The following LSM12 variants were observed in gnomAD, a reference collection of about 807,000 sequenced individuals.
The protein encoded by LSM12 is protein LSM12.
For missense variants in LSM12, 108 were observed against 238.9 expected (o/e 0.45, Z 3.61); for synonymous variants, 74 against 87.3 (o/e 0.85, Z 0.85).
intron 2 of LSM12, among the ~76,000 whole-genome samples, chr17:44,043,548 CTTT>C (rs34478151): frequency 8.9e-5 from 12 of 134,188 alleles, no homozygotes; most frequent in South Asian, 2.3e-4. Context: ...GAGGAGTTTC[CTTT>C]TTTTTTTTTT....
At chr17:44,048,167 T>C (rs1032890037) in intron 2 of LSM12, among the ~76,000 whole-genome samples, 3 of 152,036 alleles carry the variant, frequency 2.0e-5, no homozygotes, top group African/African-American at 4.8e-5. Context: ...TTTCATTTTC[T>C]TTATGCAGCA....
At chr17:44,064,487 C>T (rs1440783867) in intron 1 of LSM12, among the ~76,000 whole-genome samples, 2 of 152,122 alleles carry the variant, frequency 1.3e-5, no homozygotes, top group Admixed American at 1.3e-4. Flanking sequence ...AATCTCAACA[C>T]TTTGGGAGGC....
intron 2 of LSM12, among the ~76,000 whole-genome samples, chr17:44,047,908 G>A (rs1376719309): frequency 6.6e-6 from 1 of 151,736 alleles, no homozygotes; most frequent in Admixed American, 6.6e-5. Context: ...TCTTGGCTGG[G>A]CGTGGTCACT....
intron 2 of LSM12, among the ~76,000 whole-genome samples, chr17:44,054,211 G>A (rs2049681581): frequency 6.6e-6 from 1 of 152,162 alleles, no homozygotes. Context: ...CCTGAACTGA[G>A]TCATGAGTTC....
upstream of LSM12, chr17:44,066,882 C>T (rs947250942): frequency 7.9e-6 from 2 of 254,000 alleles, no homozygotes; most frequent in Non-Finnish European, 1.5e-5. Context: ...GAGGAGGGAG[C>T]TGCAGTCTCC....
chr17:44,066,516 C>G lies in LSM12; in HGVS notation c.72G>C (p.Arg24=). 1 of 1,529,364 alleles carries G rather than the reference C, an allele frequency of 6.5e-7. No individual in the cohort carries two copies. The highest frequency in any genetic ancestry group is 2.1e-5 in the Admixed American group (1 of 48,684). 94.7% of individuals were successfully genotyped at this position (1,529,364 alleles called of 1,614,324 possible). ...QVSCRTCQEQ[R]LQGEVVAFDY... is the part of the protein sequence containing the mutation. ...CAAAGGCTACCACCTCGCCCTGCAG[C>G]CGCTGCTCCTGGCACGTCCGGCACG... The change falls in exon 1 of 5, where the codon CGG becomes CGC. Residue 24 remains arginine (R), a synonymous_variant. Transcript: ENST00000293406.
rs748056348 is a variant in LSM12, at chr17:44,066,570, G to A, written c.18C>T (p.Gly6=). The A allele has an allele frequency of 2.0e-5, 29 of 1,466,848 alleles. No homozygotes were observed. Among genetic ancestry groups the A allele is most frequent in the Non-Finnish European group, 2.6e-5 (29 of 1,105,194 alleles). The allele number at this position is 1,466,848 out of a possible 1,614,324, so 90.9% of individuals were successfully genotyped here. The change falls in exon 1 of 5, where the codon GGC becomes GGT. Residue 6 remains glycine (G), a synonymous_variant. Transcript: ENST00000293406. MAAPP[G]EYFSVGSQVS... Reference sequence around the variant, plus strand: ...CCTGGCTCCCAACGCTGAAGTACTCGCCCGGAGGAGCCGCCATCTTGGGAG... The same window carrying A: ...CCTGGCTCCCAACGCTGAAGTACTCACCCGGAGGAGCCGCCATCTTGGGAG...
At chr17:44,049,773 CCTA>C (rs2049618444) in intron 2 of LSM12, among the ~76,000 whole-genome samples, 1 of 152,180 alleles carries the variant, frequency 6.6e-6, no homozygotes, top group Non-Finnish European at 1.5e-5. Context: ...CAGAGGGATT[CCTA>C]CTACAAGTAT....
intron 2 of LSM12, among the ~76,000 whole-genome samples, chr17:44,045,699 T>C (rs1321663457): frequency 6.6e-6 from 1 of 152,110 alleles, no homozygotes; most frequent in African/African-American, 2.4e-5. Flanking sequence ...GCTTCCCAAG[T>C]AGCTGGGACC....
At chr17:44,045,191 C>T (rs1458151897) in intron 2 of LSM12, among the ~76,000 whole-genome samples, 2 of 152,044 alleles carry the variant, frequency 1.3e-5, no homozygotes, top group Admixed American at 1.3e-4. Context: ...CCACGCCTGG[C>T]TAATTTTTGT....
intron 2 of LSM12, among the ~76,000 whole-genome samples, chr17:44,043,568 G>A (rs1199816857): frequency 7.5e-6 from 1 of 134,184 alleles, no homozygotes; most frequent in East Asian, 2.4e-4. Flanking sequence ...TTTTTTTTGA[G>A]ATGGAGTCTT....
chr17:44,044,612 C>T (rs921296970), intron 2 of LSM12, among the ~76,000 whole-genome samples: 9 of 152,198 alleles, frequency 5.9e-5, no homozygotes, highest in Non-Finnish European at 7.3e-5. Context: ...GGAAGCTGTA[C>T]AAATGGGATA....
At chr17:44,047,251 A>C (rs2049581094) in intron 2 of LSM12, among the ~76,000 whole-genome samples, 1 of 151,898 alleles carries the variant, frequency 6.6e-6, no homozygotes, top group Non-Finnish European at 1.5e-5. Context: ...TTTTAATTGG[A>C]CTGTCTTTTT....
intron 1 of LSM12, among the ~76,000 whole-genome samples, chr17:44,065,130 T>C (rs1186506670): frequency 6.7e-6 from 1 of 148,162 alleles, no homozygotes; most frequent in African/African-American, 2.5e-5. Flanking sequence ...TGAAACTCCG[T>C]CTCAAAAAAC....
At position 44,051,389 on chromosome 17, in the gene LSM12, CAAAAAAAAA is replaced by C. The variant is rs57974319; in HGVS notation, c.259-11142_259-11134del. Among the ~76,000 whole-genome samples, 335 of 114,952 alleles carry C rather than the reference CAAAAAAAAA, an allele frequency of 2.9e-3. 4 individuals are homozygous for C. Among genetic ancestry groups the C allele is most frequent in the African/African-American group, 0.013 (315 of 24,674 alleles). The allele number at this position is 114,952 out of a possible 152,430, so 75.4% of individuals were successfully genotyped here. A position where few individuals can be genotyped will look rare whatever the true frequency, so the allele number is the denominator to read the frequency against. The stretch of plus-strand genomic sequence containing the variant: ...CTGGCGACAGAGCGAGACTCCGTCT[CAAAAAAAAA>C]AAAAAAAAAAAAAAAAAATTAGCTG... On this transcript the variant is annotated intron_variant, in intron 2 of 4. Coordinates refer to ENST00000293406, the MANE Select transcript of LSM12 (RefSeq NM_001371445.1).
intron 2 of LSM12, among the ~76,000 whole-genome samples, chr17:44,057,875 T>C (rs527293738): frequency 1.3e-5 from 2 of 152,136 alleles, no homozygotes; most frequent in Non-Finnish European, 2.9e-5. Flanking sequence ...TATGGGCCCT[T>C]TGTCACAATG....
intron 2 of LSM12, among the ~76,000 whole-genome samples, chr17:44,061,945 G>A (rs1165327939): frequency 1.3e-5 from 2 of 152,176 alleles, no homozygotes; most frequent in Non-Finnish European, 2.9e-5. Context: ...ACTATGGCCA[G>A]GAGCGGTGGC....
At chr17:44,037,374 T>C (rs2049429932) in intron 4 of LSM12, 38 bp downstream of exon 4, 7 of 1,543,378 alleles carry the variant, frequency 4.5e-6, no homozygotes, top group Non-Finnish European at 6.1e-6. Context: ...TGAGGAACCA[T>C]CCTCTCTCCC....
intron 4 of LSM12, 176 bp downstream of exon 4, chr17:44,037,236 T>C: frequency 1.6e-6 from 1 of 626,454 alleles, no homozygotes; most frequent in Non-Finnish European, 2.5e-6. Context: ...CACCCAGTGG[T>C]TCCATTCCCA....
Sources: allele counts gnomAD v4.1 joint callset (sites outside exome capture counted in the v4.1 genomes callset), GRCh38; gene constraint gnomAD v4.1.1; transcripts MANE v1.5; gene names NCBI Gene and HGNC (gene_info 2026-07-23, HGNC 2026-07-21).